MILR1: variants seen among roughly 807,000 people sequenced by gnomAD.
The protein encoded by MILR1 is allergin-1.
Under a neutral mutation model 18.5 loss-of-function variants are expected in MILR1, and 31 were observed. The ratio of observed to expected loss-of-function variants is 1.68; its 90% CI spans 1.26 to 2.26. The LOEUF is 2.26. MILR1 is among the 30% of genes most tolerant of loss of function. MILR1 has a pLI of 0.00. For missense variants in MILR1, 257 were observed against 157.4 expected, an observed-to-expected ratio of 1.63 and a Z score of -3.38; for synonymous variants, 85 against 56.2, an observed-to-expected ratio of 1.51 and a Z score of -2.30.
chr17:64,497,310 C>G, the MILR1 span, among the ~76,000 whole-genome samples: 13 of 152,258 alleles, frequency 8.5e-5, no homozygotes, highest in Non-Finnish European at 1.5e-4. Context: ...TTCCTTCTGC[C>G]ACTGTTTTGC....
chr17:64,482,793 T>C, the MILR1 span: 1 of 664,502 alleles, frequency 1.5e-6, no homozygotes. Context: ...TTTAAGATTT[T>C]GGATTTTTGG....
At chr17:64,473,437 T>A (rs2037722035), downstream of MILR1, among the ~76,000 whole-genome samples, 2 of 151,836 alleles carry the variant, frequency 1.3e-5, no homozygotes, top group Non-Finnish European at 1.5e-5. Flanking sequence ...AGAGGAATCA[T>A]CAACAGTGGA....
At chr17:64,483,530 A>T in the MILR1 span, among the ~76,000 whole-genome samples, 3 of 147,716 alleles carry the variant, frequency 2.0e-5, no homozygotes, top group Non-Finnish European at 4.4e-5. Context: ...AAAAAAAAAC[A>T]AATTAACTTG....
the MILR1 span, chr17:64,487,129 T>C: frequency 6.6e-6 from 1 of 152,278 alleles, no homozygotes; most frequent in Non-Finnish European, 1.5e-5. Context: ...CCTCAGCTTC[T>C]GTTAATTATT....
At chr17:64,482,673 A>G in the MILR1 span, among the ~76,000 whole-genome samples, 1 of 152,232 alleles carries the variant, frequency 6.6e-6, no homozygotes, top group Non-Finnish European at 1.5e-5. Context: ...GCAAGCTATC[A>G]AGTTTACTTA....
downstream of MILR1, among the ~76,000 whole-genome samples, chr17:64,472,452 C>A (rs1253921853): frequency 3.8e-5 from 3 of 79,970 alleles, no homozygotes; most frequent in African/African-American, 1.5e-4. Flanking sequence ...GGCGACAGAG[C>A]AAGACTCCAT....
At chr17:64,467,012 TTTTC>T (rs1487115488) in intron 8 of MILR1, among the ~76,000 whole-genome samples, 6 of 147,170 alleles carry the variant, frequency 4.1e-5, no homozygotes, top group South Asian at 2.3e-4. Flanking sequence ...TATTTTTTCT[TTTTC>T]TTTCTTTCTC....
chr17:64,467,935 C>CA (rs112297771), intron 9 of MILR1: 57,018 of 154,666 alleles, frequency 0.37, 14,166 homozygotes, highest in Admixed American at 0.47. Flanking sequence ...GACTTCATCT[C>CA]AAAAAAAAAA....
At chr17:64,496,306 T>A in the MILR1 span, 1 of 743,674 alleles carries the variant, frequency 1.3e-6, no homozygotes, top group South Asian at 1.8e-5. Context: ...CTAACTTCCT[T>A]GCATGGGAAT....
the MILR1 span, among the ~76,000 whole-genome samples, chr17:64,475,092 G>A: frequency 1.4e-4 from 21 of 151,634 alleles, no homozygotes; most frequent in African/African-American, 5.1e-4. Flanking sequence ...AGGAGGCTGA[G>A]GCAGGGAGGC....
the MILR1 span, chr17:64,478,020 G>A: frequency 2.5e-5 from 40 of 1,603,090 alleles, no homozygotes; most frequent in African/African-American, 4.7e-4. Flanking sequence ...AGACACATGA[G>A]CACAAATGTA....
chr17:64,494,676 T>C, the MILR1 span, among the ~76,000 whole-genome samples: 9 of 152,204 alleles, frequency 5.9e-5, no homozygotes, highest in Non-Finnish European at 1.2e-4. Flanking sequence ...ACCATTAATA[T>C]GTATCTTAAT....
At chr17:64,480,533 C>T in the MILR1 span, 1 of 511,980 alleles carries the variant, frequency 2.0e-6, no homozygotes, top group Non-Finnish European at 3.7e-6. Context: ...ATGTTTATAA[C>T]TTCCATATCA....
At chr17:64,487,651 C>T in the MILR1 span, among the ~76,000 whole-genome samples, 1 of 146,184 alleles carries the variant, frequency 6.8e-6, no homozygotes, top group South Asian at 2.2e-4. Flanking sequence ...AACTCAAGTA[C>T]TGAAAGATTC....
At chr17:64,497,148 C>A in the MILR1 span, 2 of 682,824 alleles carry the variant, frequency 2.9e-6, no homozygotes, top group East Asian at 5.4e-5. Context: ...CCGTCCCCCG[C>A]CCACCATGGC....
chr17:64,476,087 G>T, the MILR1 span, among the ~76,000 whole-genome samples: 1 of 152,130 alleles, frequency 6.6e-6, no homozygotes, highest in African/African-American at 2.4e-5. Context: ...GATTACAAGC[G>T]TCAGCCACTG....
the MILR1 span, chr17:64,496,930 G>C: frequency 5.0e-6 from 8 of 1,611,180 alleles, no homozygotes; most frequent in Non-Finnish European, 6.8e-6. Context: ...GGCACCTGCA[G>C]ACCTTATGGC....
the MILR1 span, among the ~76,000 whole-genome samples, chr17:64,476,839 T>G: frequency 3.4e-5 from 5 of 148,472 alleles, no homozygotes; most frequent in Admixed American, 2.0e-4. Flanking sequence ...AAAATTAAAA[T>G]TAAAATAAAA....
chr17:64,493,516 G>A, the MILR1 span, among the ~76,000 whole-genome samples: 483 of 151,586 alleles, frequency 3.2e-3, 1 homozygote, highest in African/African-American at 0.011. Flanking sequence ...ATGGAGTCTC[G>A]CTCTGTCGCC....
Sources: allele counts gnomAD v4.1 joint callset (sites outside exome capture counted in the v4.1 genomes callset), GRCh38; gene constraint gnomAD v4.1.1; transcripts MANE v1.5; gene names NCBI Gene and HGNC (gene_info 2026-07-23, HGNC 2026-07-21).